The following TIAM1 variants were observed in gnomAD, a reference collection of about 807,000 sequenced individuals.
TIAM1 encodes rho guanine nucleotide exchange factor TIAM1.
A neutral mutation model predicts 163.5 loss-of-function variants in TIAM1; 65 were observed. The observed-to-expected ratio is 0.40, with a 90% CI of 0.33 to 0.49. The LOEUF is 0.49. Ranked by LOEUF, TIAM1 falls within the 20% of genes least tolerant of loss-of-function variation. The pLI is 0.77. For missense variants in TIAM1, 1,789 were observed against 2,044.7 expected (o/e 0.87, Z 2.41); for synonymous variants, 833 against 810.1 (o/e 1.03, Z -0.48).
At position 31,225,322 on chromosome 21, in the gene TIAM1, G is replaced by A. The variant is rs150509007; in HGVS notation, c.1809+404C>T. The stretch of plus-strand genomic sequence containing the variant: ...GGCCAGATATATATTTTTAATGTAC[G>A]TTACCTTTTCCAAATTAAGAATTCA... On this transcript the variant is annotated intron_variant, in intron 7 of 27. Transcript: ENST00000541036. 5.9e-5 allele frequency among the ~76,000 whole-genome samples: 9 copies of A among 152,094 alleles called. No homozygotes were observed. In the East Asian group the frequency reaches 1.7e-3, roughly 29 times the overall value.
intron 26 of TIAM1, among the ~76,000 whole-genome samples, chr21:31,126,827 C>T (rs1038835575): frequency 1.3e-5 from 2 of 152,026 alleles, no homozygotes; most frequent in African/African-American, 2.4e-5. Flanking sequence ...CCCAGCTTCC[C>T]CTCAAGACGT....
intron 1 of TIAM1, among the ~76,000 whole-genome samples, chr21:31,538,853 C>T (rs1787938502): frequency 6.6e-6 from 1 of 152,166 alleles, no homozygotes. Flanking sequence ...TGGACTTTCC[C>T]CAAGAAGTGG....
intron 2 of TIAM1, among the ~76,000 whole-genome samples, chr21:31,382,916 A>C (rs968066868): frequency 6.6e-6 from 1 of 152,194 alleles, no homozygotes; most frequent in Non-Finnish European, 1.5e-5. Context: ...TTTAAACTAG[A>C]TGTCTCAATA....
intron 2 of TIAM1, among the ~76,000 whole-genome samples, chr21:31,385,116 C>T (rs961830857): frequency 6.6e-6 from 1 of 152,100 alleles, no homozygotes; most frequent in Non-Finnish European, 1.5e-5. Flanking sequence ...GGCTGGAGTG[C>T]AATGGCGCGA....
intron 26 of TIAM1, among the ~76,000 whole-genome samples, chr21:31,126,860 C>T (rs1353042572): frequency 1.3e-5 from 2 of 152,142 alleles, no homozygotes; most frequent in African/African-American, 2.4e-5. Context: ...CACAGGCTGA[C>T]CTCCATATGT....
At chr21:31,385,714 A>T (rs1409595708) in intron 2 of TIAM1, among the ~76,000 whole-genome samples, 1 of 129,320 alleles carries the variant, frequency 7.7e-6, no homozygotes, top group Non-Finnish European at 1.7e-5. Context: ...GCACTGGAAG[A>T]TTTAAAAAAA....
chr21:31,475,446 ATTG>A (rs2045908726), intron 1 of TIAM1, among the ~76,000 whole-genome samples: 1 of 152,286 alleles, frequency 6.6e-6, no homozygotes, highest in East Asian at 1.9e-4. Flanking sequence ...ACTTCCTGGA[ATTG>A]TTGTAAGAAA....
In TIAM1 at chr21:31,321,224, A is replaced by G. The variant is rs556561000; in HGVS notation, c.-189+18019T>C. ...GCTCAGTGCAGGGACTGGCCGAAGAAGCCATTCAGCATCGGCAGGCCTGCA... is the reference window on the plus strand; with the variant it reads ...GCTCAGTGCAGGGACTGGCCGAAGAGGCCATTCAGCATCGGCAGGCCTGCA... On this transcript the variant is annotated intron_variant, in intron 2 of 27. Transcript: ENST00000541036. 7.9e-5 allele frequency among the ~76,000 whole-genome samples: 12 copies of G among 152,268 alleles called. No homozygotes were observed. In the East Asian group the frequency reaches 1.7e-3, roughly 22 times the overall value.
chr21:31,132,580 G>A (rs993329570), intron 23 of TIAM1, among the ~76,000 whole-genome samples: 1 of 152,116 alleles, frequency 6.6e-6, no homozygotes, highest in Non-Finnish European at 1.5e-5. Flanking sequence ...TCTCAGAAGC[G>A]CCACCATGCC....
At chr21:31,554,675 T>G (rs1475617753) in intron 1 of TIAM1, among the ~76,000 whole-genome samples, 1 of 152,172 alleles carries the variant, frequency 6.6e-6, no homozygotes, top group East Asian at 1.9e-4. Flanking sequence ...AAGCAGACAA[T>G]TGATCGGCTC....
intron 14 of TIAM1, 58 bp downstream of exon 14, chr21:31,186,943 T>G (rs2085333150): frequency 7.0e-7 from 1 of 1,431,192 alleles, no homozygotes; most frequent in Non-Finnish European, 9.8e-7. Context: ...CTTCAAAAAC[T>G]AGAGAAGCCC....
intron 6 of TIAM1, among the ~76,000 whole-genome samples, chr21:31,240,996 G>C (rs2071142924): frequency 1.3e-5 from 2 of 152,166 alleles, no homozygotes; most frequent in Admixed American, 1.3e-4. Flanking sequence ...TCTCGTGATA[G>C]TAAGTCTCAT....
At chr21:31,537,576 A>C (rs1301609581) in intron 1 of TIAM1, among the ~76,000 whole-genome samples, 1 of 151,930 alleles carries the variant, frequency 6.6e-6, no homozygotes, top group Non-Finnish European at 1.5e-5. Context: ...ACATGATGAA[A>C]CCCTGTCTCT....
intron 1 of TIAM1, among the ~76,000 whole-genome samples, chr21:31,515,603 C>T (rs2047354400): frequency 6.6e-6 from 1 of 152,192 alleles, no homozygotes; most frequent in African/African-American, 2.4e-5. Flanking sequence ...TCTTCTAAAA[C>T]TTGAAAGGGC....
chr21:31,540,837 TA>T (rs1320123540), intron 1 of TIAM1, among the ~76,000 whole-genome samples: 1 of 152,192 alleles, frequency 6.6e-6, no homozygotes, highest in African/African-American at 2.4e-5. Context: ...AAGTAAAGTC[TA>T]CCTGAAAAGT....
intron 2 of TIAM1, among the ~76,000 whole-genome samples, chr21:31,397,572 C>T (rs1019458954): frequency 3.9e-5 from 6 of 152,142 alleles, no homozygotes; most frequent in Non-Finnish European, 8.8e-5. Flanking sequence ...TGCCCAATAT[C>T]CCCGCGCCAG....
rs2082397907 is a variant in TIAM1 at position 31,131,096 on chromosome 21, A to G, written c.3884-148T>C. On this transcript the variant is annotated intron_variant, in intron 23 of 27. Coordinates refer to ENST00000541036, the MANE Select transcript of TIAM1 (RefSeq NM_001353694.2). ...ACTCCCACCCACCTTCCATTCATTCATCACATCTGTGAAAATCAAAAGCCT... is the reference window on the plus strand; with the variant it reads ...ACTCCCACCCACCTTCCATTCATTCGTCACATCTGTGAAAATCAAAAGCCT... 3 of 619,830 alleles carry G rather than the reference A, an allele frequency of 4.8e-6. No individual in the cohort carries two copies. In the East Asian group the frequency reaches 8.2e-5, roughly 17 times the overall value. The allele number at this position is 619,830 out of a possible 1,614,324, so 38.4% of individuals were successfully genotyped here.
rs916252022 is a variant in TIAM1 at position 31,266,549 on chromosome 21, A to G, written c.424T>C (p.Leu142=). The G allele has an allele frequency of 1.9e-6, 3 of 1,614,134 alleles. No homozygotes were observed. Among genetic ancestry groups the G allele is most frequent in the Admixed American group, 3.3e-5 (2 of 60,016 alleles). ...TGCTGCCTCCTGCCTCCCTCAGCCA[A>G]ATATGTAGCGTCATCCCCGTAAAGC... ...SRLYGDDATY[L]AEGGRRQHSY... Residue 142 remains leucine, a synonymous_variant, in exon 4 of 28, where the codon TTG becomes CTG. Transcript: ENST00000541036.
intron 4 of TIAM1, among the ~76,000 whole-genome samples, chr21:31,254,176 A>G (rs552652902): frequency 4.6e-5 from 7 of 152,348 alleles, no homozygotes; most frequent in African/African-American, 1.7e-4. Flanking sequence ...CTTTGGTACA[A>G]AGGAGAAAAA....
Sources: allele counts gnomAD v4.1 joint callset (sites outside exome capture counted in the v4.1 genomes callset), GRCh38; gene constraint gnomAD v4.1.1; transcripts MANE v1.5; gene names NCBI Gene and HGNC (gene_info 2026-07-23, HGNC 2026-07-21).